The following OSBP variants were observed in gnomAD, a reference collection of about 807,000 sequenced individuals.
OSBP encodes the protein oxysterol binding protein.
In OSBP, 32 loss-of-function variants were observed where a neutral mutation model predicts 96.6. The ratio of observed to expected loss-of-function variants is 0.33; its 90% CI spans 0.25 to 0.45. The LOEUF (loss-of-function observed/expected upper bound fraction) is 0.45, where lower values mean the gene tolerates loss of function less well. Among genes scored for constraint, OSBP ranks in the 20% least tolerant of loss-of-function variants. The probability of loss-of-function intolerance (pLI) is 1.00; values close to 1 mark genes in which losing one functional copy is unlikely to be tolerated. For missense variants in OSBP, 653 were observed against 1,029.7 expected, an observed-to-expected ratio of 0.63 and a Z score of 5.01; for synonymous variants, 369 against 389.6, an observed-to-expected ratio of 0.95 and a Z score of 0.62.
At chr11:59,591,905 G>A (rs538141781) in intron 9 of OSBP, among the ~76,000 whole-genome samples, 8 of 152,254 alleles carry the variant, frequency 5.3e-5, no homozygotes, top group Non-Finnish European at 7.4e-5. Context: ...ACAGGCATGA[G>A]CCACCACACC....
intron 3 of OSBP, among the ~76,000 whole-genome samples, chr11:59,604,861 A>AAAAAG (rs113439912): frequency 0.17 from 25,510 of 150,638 alleles, 4,082 homozygotes; most frequent in African/African-American, 0.42. Flanking sequence ...TCTCTAAAAA[A>AAAAAG]AAAAGAAAAA....
chr11:59,592,436 A>G (rs1403410854), intron 9 of OSBP, among the ~76,000 whole-genome samples: 1 of 152,216 alleles, frequency 6.6e-6, no homozygotes, highest in African/African-American at 2.4e-5. Flanking sequence ...AGCAGTCTAT[A>G]TTGCAATATT....
intron 9 of OSBP, among the ~76,000 whole-genome samples, chr11:59,583,940 G>GTTTTTT (rs1196897419): frequency 1.1e-5 from 1 of 93,602 alleles, no homozygotes; most frequent in Non-Finnish European, 2.1e-5. Flanking sequence ...ACCTGATGGT[G>GTTTTTT]TTTTTTTTTT....
chr11:59,581,416 T>C lies in OSBP; in HGVS notation c.1782+35A>G, dbSNP rs779926448. 2.4e-6 allele frequency: 3 copies of C among 1,240,922 alleles called. No individual in the cohort carries two copies. The African/African-American group carries it at 4.4e-5, about 18-fold the overall frequency. The allele number at this position is 1,240,922 out of a possible 1,614,324, so 76.9% of individuals were successfully genotyped here. On this transcript the variant is annotated intron_variant, in intron 10 of 13. Coordinates refer to ENST00000263847, the MANE Select transcript of OSBP (RefSeq NM_002556.3). ...AAATATACCTAAAGAAGTATTCTTTTAAACTTCACACACACTTTGGGTACC... is the reference window on the plus strand; with the variant it reads ...AAATATACCTAAAGAAGTATTCTTTCAAACTTCACACACACTTTGGGTACC...
intron 9 of OSBP, among the ~76,000 whole-genome samples, chr11:59,588,761 T>A (rs1334629425): frequency 1.3e-5 from 2 of 152,106 alleles, no homozygotes; most frequent in African/African-American, 4.8e-5. Flanking sequence ...ATTCCAGCAC[T>A]CTGGGAGGCC....
chr11:59,606,406 T>A (rs1590677872), intron 3 of OSBP, among the ~76,000 whole-genome samples: 2 of 148,196 alleles, frequency 1.3e-5, no homozygotes, highest in African/African-American at 2.5e-5. Context: ...TGGAGGCCAA[T>A]ATCCTAACTG....
At position 59,610,505 on chromosome 11, in the gene OSBP, G is replaced by A; in HGVS notation, c.447C>T (p.Phe149=). The change falls in exon 2 of 14, where the codon TTC becomes TTT. Residue 149 remains phenylalanine (F), a synonymous_variant. Transcript: ENST00000263847. ...ANITVEDSCN[F]IISNGGAQTY... ...TCTGAGCACCCCCATTGGAAATGAT[G>A]AAGTTGCAGGAGTCCTCCACGGTGA... The A allele has an allele frequency of 6.2e-7, 1 of 1,614,216 alleles. No individual in the cohort carries two copies. The highest frequency in any genetic ancestry group is 8.5e-7 in the Non-Finnish European group (1 of 1,180,030).
chr11:59,582,552 C>T (rs186926570), intron 9 of OSBP, among the ~76,000 whole-genome samples: 2 of 152,248 alleles, frequency 1.3e-5, no homozygotes, highest in South Asian at 2.1e-4. Context: ...AATAATAAAA[C>T]GGTAATGATA....
rs1000589949 is a variant in OSBP, at chr11:59,578,201, C to A, written c.2008G>T (p.Gly670Cys). Residue 670 changes from glycine to cysteine, a missense_variant, in exon 12 of 14, where the codon GGC (glycine) becomes TGC (cysteine). This residue lies in a region of OSBP where 169 missense variants were observed against 251.5 expected (regional missense o/e 0.67). Coordinates refer to ENST00000263847, the MANE Select transcript of OSBP (RefSeq NM_002556.3). ...GENGGDARQR[G>C]HEAEESRVML... The stretch of plus-strand genomic sequence containing the variant: ...ACCCTGCTTTCCTCTGCTTCATGGC[C>A]TCTCTGTCGAGCATCACCCCCATTT... 1.9e-6 allele frequency: 3 copies of A among 1,614,174 alleles called. No homozygotes were observed. The East Asian group carries it at 6.7e-5, about 36-fold the overall frequency.
chr11:59,614,584 G>A (rs982811064), intron 1 of OSBP, among the ~76,000 whole-genome samples: 1 of 152,184 alleles, frequency 6.6e-6, no homozygotes, highest in East Asian at 1.9e-4. Context: ...TTTAATAAAA[G>A]TTAATCCTAA....
intron 3 of OSBP, among the ~76,000 whole-genome samples, chr11:59,604,057 C>T (rs756035350): frequency 2.0e-5 from 3 of 152,136 alleles, no homozygotes; most frequent in Admixed American, 6.5e-5. Context: ...GGAGTTGGAC[C>T]GGTAGGGCTC....
At chr11:59,592,073 C>A (rs959629397) in intron 9 of OSBP, among the ~76,000 whole-genome samples, 2 of 152,178 alleles carry the variant, frequency 1.3e-5, no homozygotes, top group Non-Finnish European at 2.9e-5. Flanking sequence ...TATGGTGAAA[C>A]ATCACATTGC....
chr11:59,580,590 C>T (rs1860408855), intron 10 of OSBP, among the ~76,000 whole-genome samples: 1 of 152,210 alleles, frequency 6.6e-6, no homozygotes, highest in Non-Finnish European at 1.5e-5. Context: ...TTCATGAACT[C>T]TTCTGCTTAA....
chr11:59,598,884 C>T (rs950562925), intron 7 of OSBP, among the ~76,000 whole-genome samples: 1 of 152,224 alleles, frequency 6.6e-6, no homozygotes, highest in East Asian at 1.9e-4. Context: ...GCCACCGCAC[C>T]CAGCCAGGAT....
chr11:59,578,189 C>T lies in OSBP; in HGVS notation c.2020G>A (p.Glu674Lys), dbSNP rs1328052536. 6.2e-7 allele frequency: 1 copy of T among 1,614,236 alleles called. No individual in the cohort carries two copies. Among genetic ancestry groups the T allele is most frequent in the Non-Finnish European group, 8.5e-7 (1 of 1,180,046 alleles). ...GDARQRGHEA[E>K]ESRVMLWKRN... ...TTCCACAGCATGACCCTGCTTTCCT[C>T]TGCTTCATGGCCTCTCTGTCGAGCA... is the stretch of plus-strand genomic sequence containing the variant. The change falls in exon 12 of 14, where the codon GAG (glutamate) becomes AAG (lysine). Residue 674 changes from glutamate (E) to lysine (K), a missense_variant. By Grantham distance (56) the Glu-to-Lys change is moderately conservative. This residue lies in a region of OSBP where 169 missense variants were observed against 251.5 expected (regional missense o/e 0.67). Transcript: ENST00000263847.
At chr11:59,588,879 C>T (rs1433542915) in intron 9 of OSBP, among the ~76,000 whole-genome samples, 1 of 151,786 alleles carries the variant, frequency 6.6e-6, no homozygotes, top group Non-Finnish European at 1.5e-5. Flanking sequence ...GTGGTGCACG[C>T]CTGTAGTCCC....
rs1342701864 is a variant in OSBP at position 59,588,338 on chromosome 11, A to T, written c.1678+5266T>A. On this transcript the variant is annotated intron_variant, in intron 9 of 13. Transcript: ENST00000263847. ...CACTTGAGGTCAGGAGTTCAAGAACAGCCAGGCCAACATGGTGAAACCCCA... is the reference window on the plus strand; with the variant it reads ...CACTTGAGGTCAGGAGTTCAAGAACTGCCAGGCCAACATGGTGAAACCCCA... Among the ~76,000 whole-genome samples the T allele has an allele frequency of 3.3e-5, 5 of 152,034 alleles. No individual in the cohort carries two copies. The East Asian group carries it at 5.8e-4, about 18-fold the overall frequency.
chr11:59,604,499 C>T (rs950102622), intron 3 of OSBP, among the ~76,000 whole-genome samples: 10 of 151,468 alleles, frequency 6.6e-5, no homozygotes, highest in African/African-American at 2.4e-4. Flanking sequence ...GTTAGGTGTC[C>T]GAGACCAGCC....
At position 59,615,428 on chromosome 11, in the gene OSBP, C is replaced by T. The variant is rs561586976; in HGVS notation, c.237G>A (p.Ser79=). Reference sequence around the variant, plus strand: ...CCGAACCCCCAGCGCCCGAGCCGCCCGAGCCCCCAGTCGGCGGCGCAGGGG... The same window carrying T: ...CCGAACCCCCAGCGCCCGAGCCGCCTGAGCCCCCAGTCGGCGGCGCAGGGG... ...GPAPAPPTGG[S]GGSGAGGSGS... The change falls in exon 1 of 14, where the codon TCG becomes TCA. Residue 79 remains serine (S), a synonymous_variant. Transcript: ENST00000263847. 1.3e-5 allele frequency: 19 copies of T among 1,502,314 alleles called. No homozygotes were observed. The East Asian group carries it at 4.3e-4, about 34-fold the overall frequency. 93.1% of individuals were successfully genotyped at this position (1,502,314 alleles called of 1,614,324 possible).
Sources: gnomAD v4.1 joint callset for allele counts (sites outside exome capture counted in the v4.1 genomes callset) on GRCh38, gnomAD v4.1.1 for gene constraint, gnomAD v4.1.1 regional missense constraint, MANE v1.5 for transcripts, NCBI Gene and HGNC (gene_info 2026-07-23, HGNC 2026-07-21) for gene names.